SAMM50: variants seen among roughly 807,000 people sequenced by gnomAD.
SAMM50 encodes the protein SAMM50 sorting and assembly machinery component.
A neutral mutation model predicts 66.9 loss-of-function variants in SAMM50; 47 were observed. That is an observed-to-expected ratio of 0.70 (90% CI 0.56 to 0.90). SAMM50 has a LOEUF of 0.90. SAMM50 is among the 40% of genes least tolerant of loss of function. SAMM50 has a pLI of 0.00. For synonymous variants in SAMM50, 191 were observed against 214.1 expected (o/e 0.89, Z 0.94); for missense variants, 535 against 595.3 (o/e 0.90, Z 1.05).
At position 43,996,432 on chromosome 22, in the gene SAMM50, C is replaced by T. The variant is rs1227857280; in HGVS notation, c.*49C>T. On this transcript the variant is annotated 3_prime_UTR_variant, in exon 15 of 15. Coordinates refer to ENST00000350028, the MANE Select transcript of SAMM50 (RefSeq NM_015380.5). ...CTGGGACTGGGGCAGCAGCAAGGCG[C>T]CCATGCCACACACCGTCTCTCGAGG... 6.4e-7 allele frequency: 1 copy of T among 1,555,198 alleles called. No individual in the cohort carries two copies. Among genetic ancestry groups the T allele is most frequent in the African/African-American group, 1.4e-5 (1 of 73,728 alleles).
chr22:43,973,288 CGGG>C lies in SAMM50; in HGVS notation c.614_616del (p.Arg205_Glu206delinsGln). ...TGGACAGTTCCCTTGGAGCTCACTGCGGGAGACGGACAGAGGAATGTCAGCTGA... is the reference window on the plus strand; with the variant it reads ...TGGACAGTTCCCTTGGAGCTCACTGCAGACGGACAGAGGAATGTCAGCTGA... On this transcript the variant is annotated inframe_deletion, in exon 7 of 15. Coordinates refer to ENST00000350028, the MANE Select transcript of SAMM50 (RefSeq NM_015380.5). The C allele has an allele frequency of 6.2e-7, 1 of 1,606,956 alleles. No individual in the cohort carries two copies. The highest frequency in any genetic ancestry group is 8.5e-7 in the Non-Finnish European group (1 of 1,173,468).
chr22:43,964,020 G>A (rs915052014), intron 2 of SAMM50, among the ~76,000 whole-genome samples: 1 of 152,126 alleles, frequency 6.6e-6, no homozygotes, highest in Non-Finnish European at 1.5e-5. Context: ...TGTTTCTCCT[G>A]CCTCAGCCTC....
chr22:43,984,478 A>G lies in SAMM50; in HGVS notation c.1075+478A>G, dbSNP rs530014550. ...CAGGCACCCGCCACCATGCCTAGCT[A>G]ATTTTTGTATTTTTAGTAGAGATGG... On this transcript the variant is annotated intron_variant, in intron 12 of 14. Coordinates refer to ENST00000350028, the MANE Select transcript of SAMM50 (RefSeq NM_015380.5). Among the ~76,000 whole-genome samples the G allele has an allele frequency of 4.4e-3, 666 of 150,092 alleles. 3 individuals carry two copies. Among genetic ancestry groups the G allele is most frequent in the Middle Eastern group, 0.014 (4 of 288 alleles).
intron 1 of SAMM50, among the ~76,000 whole-genome samples, chr22:43,962,258 G>A (rs765248694): frequency 2.6e-5 from 4 of 152,222 alleles, no homozygotes; most frequent in African/African-American, 7.2e-5. Context: ...AGTACTGTAA[G>A]TGAAAATCAG....
At position 43,972,842 on chromosome 22, in the gene SAMM50, A is replaced by G. The variant is rs1157829429; in HGVS notation, c.430-29A>G. ...AGTTCTCATTCCTTCAATGTAGACC[A>G]CTGCTATTTTTTTTTTTTCCCCTCC... On this transcript the variant is annotated intron_variant, in intron 5 of 14. Coordinates refer to ENST00000350028, the MANE Select transcript of SAMM50 (RefSeq NM_015380.5). The G allele has an allele frequency of 2.6e-6, 4 of 1,555,556 alleles. No homozygotes were observed. In the East Asian group the frequency reaches 6.8e-5, roughly 26 times the overall value.
chr22:43,955,734 G>A, intron 1 of SAMM50, 136 bp downstream of exon 1: 1 of 963,320 alleles, frequency 1.0e-6, no homozygotes, highest in Non-Finnish European at 1.5e-6. Flanking sequence ...GCTGGGTGGA[G>A]GAGGCCGAAA....
chr22:43,975,883 C>T lies in SAMM50; in HGVS notation c.649-172C>T. 4 of 638,698 alleles carry T rather than the reference C, an allele frequency of 6.3e-6. No homozygotes were observed. In the South Asian group the frequency reaches 8.5e-5, roughly 14 times the overall value. The allele number at this position is 638,698 out of a possible 1,614,324, so 39.6% of individuals were successfully genotyped here. A position where few individuals can be genotyped will look rare whatever the true frequency, so the allele number is the denominator to read the frequency against. ...CCCCTTTCTTCCTTTGTCCTTCTTC[C>T]CTCTGGTTTTCTCTTCCCCTTCTTC... is the stretch of plus-strand genomic sequence containing the variant. On this transcript the variant is annotated intron_variant, in intron 7 of 14. Coordinates refer to ENST00000350028, the MANE Select transcript of SAMM50 (RefSeq NM_015380.5).
intron 1 of SAMM50, among the ~76,000 whole-genome samples, chr22:43,960,489 G>A (rs745723100): frequency 2.0e-5 from 3 of 152,202 alleles, no homozygotes; most frequent in African/African-American, 4.8e-5. Flanking sequence ...AGCACTCTGG[G>A]AGGCTGAGGT....
chr22:43,987,582 G>C (rs2050300923), intron 12 of SAMM50: 1 of 152,214 alleles, frequency 6.6e-6, no homozygotes, highest in South Asian at 2.1e-4. Context: ...TCTTGGTCCT[G>C]GTGCTCTCTG....
At chr22:43,968,273 GAAAGT>G (rs2050184902) in intron 3 of SAMM50, among the ~76,000 whole-genome samples, 2 of 126,002 alleles carry the variant, frequency 1.6e-5, no homozygotes, top group African/African-American at 5.8e-5. Flanking sequence ...GAAAAAAAAA[GAAAGT>G]AAAGAAATGA....
At chr22:43,990,531 C>T in intron 14 of SAMM50, 125 bp downstream of exon 14, 1 of 1,026,210 alleles carries the variant, frequency 9.7e-7, no homozygotes, top group Admixed American at 2.3e-5. Context: ...TAAATAGTTG[C>T]AAAATAATGA....
At chr22:43,955,723 GGC>G (rs1467609961) in intron 1 of SAMM50, 125 bp downstream of exon 1, 54 of 1,101,942 alleles carry the variant, frequency 4.9e-5, no homozygotes, top group Non-Finnish European at 6.5e-5. Flanking sequence ...AAGGGTGCCG[GGC>G]TGGGTGGAGG....
intron 5 of SAMM50, 27 bp from the exon 6 acceptor site, chr22:43,972,844 T>C: frequency 6.4e-7 from 1 of 1,562,896 alleles, no homozygotes; most frequent in Non-Finnish European, 8.6e-7. Context: ...TGTAGACCAC[T>C]GCTATTTTTT....
chr22:43,972,944 A>G lies in SAMM50; in HGVS notation c.503A>G (p.Lys168Arg). The G allele has an allele frequency of 6.2e-7, 1 of 1,601,904 alleles. No individual in the cohort carries two copies. The highest frequency in any genetic ancestry group is 8.5e-7 in the Non-Finnish European group (1 of 1,177,500). ...ACCTTTCAGTTTTCCTATGGAACAA[A>G]AGAAACTTCGTATGGCCTGTCCTTC... is the stretch of plus-strand genomic sequence containing the variant. ...KVTFQFSYGT[K>R]ETSYGLSFFK... is the part of the protein sequence containing the mutation. The change falls in exon 6 of 15, where the codon AAA (lysine) becomes AGA (arginine). Residue 168 changes from lysine (K) to arginine (R), a missense_variant. Physicochemically the swap from Lys to Arg is conservative, Grantham distance 26. Transcript: ENST00000350028.
chr22:43,986,962 G>A (rs368938307), intron 12 of SAMM50: 3 of 152,084 alleles, frequency 2.0e-5, no homozygotes, highest in Non-Finnish European at 2.9e-5. Context: ...CTTTTCACTC[G>A]TATTTAGAGT....
intron 8 of SAMM50, among the ~76,000 whole-genome samples, 179 bp downstream of exon 8, chr22:43,976,362 GAAT>G (rs2050232154): frequency 6.6e-6 from 1 of 152,170 alleles, no homozygotes; most frequent in Non-Finnish European, 1.5e-5. Flanking sequence ...GGTCCTTTCC[GAAT>G]AATGTCAGTG....
intron 4 of SAMM50, among the ~76,000 whole-genome samples, chr22:43,969,448 T>C (rs952498354): frequency 6.6e-6 from 1 of 152,162 alleles, no homozygotes; most frequent in Middle Eastern, 3.2e-3. Flanking sequence ...CTGATGGGCT[T>C]CGGTCATAGC....
chr22:43,964,385 CT>C, intron 2 of SAMM50, 66 bp from the exon 3 acceptor site: 1 of 753,460 alleles, frequency 1.3e-6, no homozygotes, highest in Non-Finnish European at 2.3e-6. Context: ...TTGACATTGT[CT>C]TTAGTCTTGA....
chr22:43,985,464 A>G (rs1367463615), intron 12 of SAMM50, among the ~76,000 whole-genome samples: 1 of 152,030 alleles, frequency 6.6e-6, no homozygotes, highest in Non-Finnish European at 1.5e-5. Flanking sequence ...TAGCCTTTTC[A>G]AGTTGTCTTC....
Sources: gnomAD v4.1 joint callset for allele counts (sites outside exome capture counted in the v4.1 genomes callset) on GRCh38, gnomAD v4.1.1 for gene constraint, MANE v1.5 for transcripts, NCBI Gene and HGNC (gene_info 2026-07-23, HGNC 2026-07-21) for gene names.